The following COL26A1 variants were observed in gnomAD, a reference collection of about 807,000 sequenced individuals.
The protein encoded by COL26A1 is collagen type XXVI alpha 1 chain, also known as collagen alpha-1(XXVI) chain.
COL26A1 carries 41 observed loss-of-function variants against 59.3 expected under a neutral mutation model. The ratio of observed to expected loss-of-function variants is 0.69; its 90% CI spans 0.54 to 0.90. The LOEUF is 0.90. Ranked by LOEUF, COL26A1 falls within the 40% of genes least tolerant of loss-of-function variation. The probability of loss-of-function intolerance (pLI) is 0.00; values close to 1 mark genes in which losing one functional copy is unlikely to be tolerated. For missense variants in COL26A1, 612 were observed against 602.3 expected (o/e 1.02, Z -0.17); for synonymous variants, 266 against 256.0 (o/e 1.04, Z -0.37).
chr7:101,517,798 ATTTTTTTTTTTTTTTTTTT>A lies in COL26A1; in HGVS notation c.386-15269_386-15251del, dbSNP rs869245512. On this transcript the variant is annotated intron_variant, in intron 3 of 12. Coordinates refer to ENST00000313669, the MANE Select transcript of COL26A1 (RefSeq NM_001278563.3). The stretch of plus-strand genomic sequence containing the variant: ...TCAGAGAAGCTTCCCTTCTCCCCGC[ATTTTTTTTTTTTTTTTTTT>A]TTTTTTTTTTTTTTGAGATGAGGTC... Among the ~76,000 whole-genome samples, 23 of 76,914 alleles carry A rather than the reference ATTTTTTTTTTTTTTTTTTT, an allele frequency of 3.0e-4. No homozygotes were observed. The South Asian group carries it at 6.3e-3, about 21-fold the overall frequency. 50.5% of individuals were successfully genotyped at this position (76,914 alleles called of 152,430 possible).
chr7:101,550,765 C>T (rs1027541059), intron 9 of COL26A1, among the ~76,000 whole-genome samples: 1 of 152,166 alleles, frequency 6.6e-6, no homozygotes, highest in Non-Finnish European at 1.5e-5. Flanking sequence ...GGGCTGACAT[C>T]AGCACACGTG....
At chr7:101,485,144 G>GC (rs1794241075) in intron 3 of COL26A1, among the ~76,000 whole-genome samples, 1 of 152,216 alleles carries the variant, frequency 6.6e-6, no homozygotes, top group South Asian at 2.1e-4. Context: ...AAGCCACCAT[G>GC]CCCGGCCTCA....
At chr7:101,408,440 T>C (rs1035279321) in intron 1 of COL26A1, among the ~76,000 whole-genome samples, 2 of 152,220 alleles carry the variant, frequency 1.3e-5, no homozygotes, top group African/African-American at 4.8e-5. Flanking sequence ...GAGGTGACTC[T>C]GAGCAGCTGA....
chr7:101,557,569 C>A lies in COL26A1; in HGVS notation c.*39C>A, dbSNP rs754395558. The A allele has an allele frequency of 1.3e-6, 2 of 1,562,930 alleles. No individual in the cohort carries two copies. The highest frequency in any genetic ancestry group is 2.3e-5 in the South Asian group (2 of 86,576). ...CAGGACACCCTGTCCTGGCTAGAGA[C>A]CCAGCCCCAGAGGCCTGAGCCGCCG... is the stretch of plus-strand genomic sequence containing the variant. On this transcript the variant is annotated 3_prime_UTR_variant, in exon 13 of 13. Coordinates refer to ENST00000313669, the MANE Select transcript of COL26A1 (RefSeq NM_001278563.3).
At position 101,436,301 on chromosome 7, in the gene COL26A1, G is replaced by T. The variant is rs115659215; in HGVS notation, c.282-11383G>T. ...CCTTTCCCCTCCCCGCTGGCCTGCA[G>T]CTATTAATCAAGAGATTAATAATCC... is the stretch of plus-strand genomic sequence containing the variant. On this transcript the variant is annotated intron_variant, in intron 2 of 12. Transcript: ENST00000313669. Among the ~76,000 whole-genome samples the T allele has an allele frequency of 2.9e-3, 435 of 152,214 alleles. 2 individuals carry two copies. The highest frequency in any genetic ancestry group is 9.7e-3 in the African/African-American group (403 of 41,538).
At chr7:101,409,565 C>G (rs1792197552) in intron 1 of COL26A1, among the ~76,000 whole-genome samples, 1 of 152,202 alleles carries the variant, frequency 6.6e-6, no homozygotes. Context: ...TCTCATAGTT[C>G]TGGAAGCTGG....
intron 3 of COL26A1, among the ~76,000 whole-genome samples, chr7:101,511,727 G>T (rs1008398822): frequency 6.6e-6 from 1 of 152,170 alleles, no homozygotes; most frequent in African/African-American, 2.4e-5. Context: ...GGAGGACCCC[G>T]GTTCTGCTGA....
chr7:101,536,433 G>A (rs1338643911), intron 4 of COL26A1, among the ~76,000 whole-genome samples: 2 of 152,232 alleles, frequency 1.3e-5, no homozygotes, highest in South Asian at 2.1e-4. Flanking sequence ...AGGCCATGCC[G>A]AGGTCAGGCG....
intron 1 of COL26A1, among the ~76,000 whole-genome samples, chr7:101,366,562 G>A (rs1791054327): frequency 1.5e-5 from 2 of 130,460 alleles, no homozygotes; most frequent in South Asian, 2.6e-4. Flanking sequence ...GCGTAATGGT[G>A]CAATCATAGC....
At chr7:101,399,052 C>T (rs1791930259) in intron 1 of COL26A1, among the ~76,000 whole-genome samples, 1 of 152,062 alleles carries the variant, frequency 6.6e-6, no homozygotes, top group Non-Finnish European at 1.5e-5. Context: ...TACCTGTAAT[C>T]CCAGCACTTA....
chr7:101,446,876 A>G (rs1441266348), intron 2 of COL26A1, among the ~76,000 whole-genome samples: 1 of 150,158 alleles, frequency 6.7e-6, no homozygotes, highest in African/African-American at 2.4e-5. Flanking sequence ...AGAGAGAGAG[A>G]GAAAGAGTAA....
intron 3 of COL26A1, among the ~76,000 whole-genome samples, chr7:101,491,313 GACAGAC>G (rs1180182645): frequency 5.9e-5 from 9 of 152,104 alleles, no homozygotes; most frequent in Non-Finnish European, 1.3e-4. Context: ...CATGGAAATT[GACAGAC>G]ACTACAGAGA....
At chr7:101,369,379 C>G (rs1791129736) in intron 1 of COL26A1, among the ~76,000 whole-genome samples, 1 of 150,286 alleles carries the variant, frequency 6.7e-6, no homozygotes, top group African/African-American at 2.4e-5. Context: ...TGCACTCCAG[C>G]CTGGGTGACA....
chr7:101,414,141 C>G (rs1003915882), intron 1 of COL26A1, among the ~76,000 whole-genome samples: 1 of 152,094 alleles, frequency 6.6e-6, no homozygotes, highest in Admixed American at 6.6e-5. Flanking sequence ...TCTCTGCCTC[C>G]CTTCTTCGTT....
intron 3 of COL26A1, among the ~76,000 whole-genome samples, chr7:101,491,081 CAAA>C (rs796084205): frequency 2.2e-5 from 3 of 136,178 alleles, no homozygotes; most frequent in African/African-American, 5.3e-5. Context: ...ATGTGTGAGG[CAAA>C]AAAAAAAAGC....
chr7:101,446,850 TAAA>T (rs543443372), intron 2 of COL26A1, among the ~76,000 whole-genome samples: 1 of 118,978 alleles, frequency 8.4e-6, no homozygotes, highest in Non-Finnish European at 1.8e-5. Context: ...CTGTCTCAAC[TAAA>T]AAAAAAAAAA....
intron 9 of COL26A1, 135 bp from the exon 10 acceptor site, chr7:101,550,973 C>A: frequency 2.0e-6 from 2 of 986,066 alleles, no homozygotes; most frequent in Non-Finnish European, 1.6e-6. Flanking sequence ...CCTTCCCGTG[C>A]CGGCCGGGCC....
intron 1 of COL26A1, among the ~76,000 whole-genome samples, chr7:101,400,668 T>G (rs1027102886): frequency 2.6e-5 from 4 of 151,960 alleles, no homozygotes; most frequent in Non-Finnish European, 5.9e-5. Context: ...AAACGATTCT[T>G]CTGCTTTAGC....
intron 1 of COL26A1, among the ~76,000 whole-genome samples, chr7:101,393,956 T>G (rs1476093610): frequency 6.6e-6 from 1 of 151,954 alleles, no homozygotes; most frequent in Non-Finnish European, 1.5e-5. Flanking sequence ...AAAAATTTTT[T>G]TTTTAGAGAT....
Sources: allele counts gnomAD v4.1 joint callset (sites outside exome capture counted in the v4.1 genomes callset), GRCh38; gene constraint gnomAD v4.1.1; transcripts MANE v1.5; gene names NCBI Gene and HGNC (gene_info 2026-07-23, HGNC 2026-07-21).